NDE1: variants seen among roughly 807,000 people sequenced by gnomAD.
NDE1 encodes the protein nuclear distribution protein nudE homolog 1.
Under a neutral mutation model 43.4 loss-of-function variants are expected in NDE1, and 28 were observed. The observed-to-expected ratio is 0.65, with a 90% CI of 0.48 to 0.89. NDE1 has a LOEUF of 0.89. Ranked by LOEUF, NDE1 falls within the 40% of genes least tolerant of loss-of-function variation. NDE1 has a pLI of 0.00. For missense variants in NDE1, 441 were observed against 434.1 expected, an observed-to-expected ratio of 1.02 and a Z score of -0.14; for synonymous variants, 184 against 172.0, an observed-to-expected ratio of 1.07 and a Z score of -0.55.
At chr16:15,654,663 G>C (rs2036673439) in intron 1 of NDE1, among the ~76,000 whole-genome samples, 1 of 146,178 alleles carries the variant, frequency 6.8e-6, no homozygotes, top group African/African-American at 2.5e-5. Context: ...AAGTGAATCT[G>C]ATCTGCAGTC....
At chr16:15,707,112 C>T (rs917203922) in intron 8 of NDE1, among the ~76,000 whole-genome samples, 1 of 152,108 alleles carries the variant, frequency 6.6e-6, no homozygotes, top group Non-Finnish European at 1.5e-5. Flanking sequence ...GATCTTGGCT[C>T]ACTGCAGCCT....
intron 6 of NDE1, among the ~76,000 whole-genome samples, chr16:15,691,702 G>T (rs188299872): frequency 6.7e-6 from 1 of 150,058 alleles, no homozygotes; most frequent in Non-Finnish European, 1.5e-5. Flanking sequence ...GTGTAGTGAC[G>T]TGATCTTGGC....
chr16:15,668,323 C>T (rs575768882), intron 3 of NDE1, among the ~76,000 whole-genome samples: 6 of 152,226 alleles, frequency 3.9e-5, no homozygotes, highest in Non-Finnish European at 5.9e-5. Flanking sequence ...TGCCACTGCA[C>T]TCCAGCCTGG....
chr16:15,704,076 C>A, intron 8 of NDE1: 1 of 1,614,114 alleles, frequency 6.2e-7, no homozygotes, highest in Non-Finnish European at 8.5e-7. Context: ...AATAACTCTA[C>A]GTCCTCCAGA....
rs1567690627 is a variant in NDE1, at chr16:15,718,735, G to A, written c.948-5456G>A. On this transcript the variant is annotated intron_variant, in intron 8 of 8. Coordinates refer to ENST00000396354, the MANE Select transcript of NDE1 (RefSeq NM_017668.3). ...TACTTATTGGGAATGAATGAAAGCA[G>A]CCACACCCCCAAACAGGCATGAAAG... 4 of 510,196 alleles carry A rather than the reference G, an allele frequency of 7.8e-6. No individual in the cohort carries two copies. In the East Asian group the frequency reaches 1.1e-4, roughly 13 times the overall value. 31.6% of individuals were successfully genotyped at this position (510,196 alleles called of 1,614,324 possible). A position where few individuals can be genotyped will look rare whatever the true frequency, so the allele number is the denominator to read the frequency against.
At chr16:15,646,041 C>G (rs963528719), upstream of NDE1, among the ~76,000 whole-genome samples, 4 of 152,070 alleles carry the variant, frequency 2.6e-5, no homozygotes, top group African/African-American at 9.7e-5. Flanking sequence ...AAGGTTTTAC[C>G]CAATGACAAA....
chr16:15,647,392 G>T (rs1018617633), upstream of NDE1, among the ~76,000 whole-genome samples: 3 of 152,308 alleles, frequency 2.0e-5, no homozygotes, highest in African/African-American at 7.2e-5. Context: ...TTAATTACTA[G>T]TTGTAAGACC....
In NDE1 at chr16:15,705,609, C is replaced by T. The variant is rs150870031; in HGVS notation, c.947+8749C>T. 6.2e-4 allele frequency among the ~76,000 whole-genome samples: 95 copies of T among 152,242 alleles called. 1 individual carries two copies. The highest frequency in any genetic ancestry group is 3.4e-3 in the Middle Eastern group (1 of 294). Reference sequence around the variant, plus strand: ...TATTTTAGGACATCAAAGAAGAGAGCAGACTTTTGCTCCCCACGCAAGGGT... The same window carrying T: ...TATTTTAGGACATCAAAGAAGAGAGTAGACTTTTGCTCCCCACGCAAGGGT... On this transcript the variant is annotated intron_variant, in intron 8 of 8. Transcript: ENST00000396354.
Position 15,710,069 on chromosome 16 carries a change from A to C in NDE1, c.947+13209A>C, listed in dbSNP as rs534382648. 2.6e-5 allele frequency among the ~76,000 whole-genome samples: 4 copies of C among 152,320 alleles called. No homozygotes were observed. The South Asian group carries it at 8.3e-4, about 32-fold the overall frequency. ...CTGATTTTATGTTTTTGTGCACCCA[A>C]AAGATGCAGAAGGCAGGACAGACCT... On this transcript the variant is annotated intron_variant, in intron 8 of 8. Transcript: ENST00000396354.
At chr16:15,711,791 C>G (rs1212489611) in intron 8 of NDE1, among the ~76,000 whole-genome samples, 5 of 152,156 alleles carry the variant, frequency 3.3e-5, no homozygotes, top group Non-Finnish European at 7.3e-5. Flanking sequence ...CTCCCAGGTT[C>G]AAGCGATTCT....
chr16:15,685,154 T>C (rs1428042937), intron 4 of NDE1, among the ~76,000 whole-genome samples: 5 of 152,260 alleles, frequency 3.3e-5, no homozygotes, highest in Non-Finnish European at 7.3e-5. Flanking sequence ...CATATTATTA[T>C]GTGAATATTT....
chr16:15,674,069 A>T (rs1422451878), intron 3 of NDE1, among the ~76,000 whole-genome samples: 1 of 152,170 alleles, frequency 6.6e-6, no homozygotes, highest in Non-Finnish European at 1.5e-5. Flanking sequence ...CTTAGCCTGG[A>T]GGCCAGCACA....
At chr16:15,714,078 C>T (rs78945466) in intron 8 of NDE1, 2,562 of 152,440 alleles carry the variant, frequency 0.017, 103 homozygotes, top group East Asian at 0.15. Flanking sequence ...GAGGCTGCGT[C>T]GCCCACCTGG....
intron 4 of NDE1, among the ~76,000 whole-genome samples, chr16:15,679,198 A>G (rs2038047329): frequency 6.6e-6 from 1 of 152,008 alleles, no homozygotes. Context: ...TGGTGCCACC[A>G]TAGTGCATTG....
At chr16:15,658,940 A>G (rs1192692448) in intron 1 of NDE1, among the ~76,000 whole-genome samples, 1 of 152,188 alleles carries the variant, frequency 6.6e-6, no homozygotes, top group Non-Finnish European at 1.5e-5. Context: ...TACAGGCATG[A>G]GCCACCACGT....
chr16:15,693,357 A>T (rs1457931024), intron 6 of NDE1, among the ~76,000 whole-genome samples: 4 of 152,060 alleles, frequency 2.6e-5, no homozygotes, highest in African/African-American at 9.7e-5. Flanking sequence ...CATGGACCCC[A>T]CTTGGAGAAG....
At chr16:15,708,893 C>G (rs755881773) in intron 8 of NDE1, 1 of 1,529,416 alleles carries the variant, frequency 6.5e-7, no homozygotes, top group African/African-American at 1.4e-5. Flanking sequence ...CAAGAAGGAG[C>G]CCGGTTAAGT....
chr16:15,671,782 C>A (rs1388920297), intron 3 of NDE1, among the ~76,000 whole-genome samples: 1 of 152,050 alleles, frequency 6.6e-6, no homozygotes, highest in Non-Finnish European at 1.5e-5. Flanking sequence ...CCTCTGACTT[C>A]CAGGCTTAAG....
At chr16:15,659,673 G>A (rs902792555) in intron 1 of NDE1, among the ~76,000 whole-genome samples, 1 of 151,568 alleles carries the variant, frequency 6.6e-6, no homozygotes. Context: ...CTGAGCTCAG[G>A]TGATTCACCT....
Sources: gnomAD v4.1 joint callset for allele counts (sites outside exome capture counted in the v4.1 genomes callset) on GRCh38, gnomAD v4.1.1 for gene constraint, MANE v1.5 for transcripts, NCBI Gene and HGNC (gene_info 2026-07-23, HGNC 2026-07-21) for gene names.